PBX1: variants seen among roughly 807,000 people sequenced by gnomAD.
PBX1 encodes the protein PBX homeobox 1, also known as pre-B-cell leukemia transcription factor 1.
Under a neutral mutation model 53.4 loss-of-function variants are expected in PBX1, and 6 were observed. The ratio of observed to expected loss-of-function variants is 0.11; its 90% CI spans 0.06 to 0.22. The LOEUF is 0.22. Among genes scored for constraint, PBX1 ranks in the 10% least tolerant of loss-of-function variants. The pLI is 1.00. For missense variants in PBX1, 251 were observed against 551.4 expected (o/e 0.46, Z 5.46); for synonymous variants, 204 against 212.3 (o/e 0.96, Z 0.34).
intron 8 of PBX1, among the ~76,000 whole-genome samples, chr1:164,837,351 A>G (rs189429076): frequency 8.9e-4 from 136 of 152,058 alleles, no homozygotes; most frequent in African/African-American, 3.2e-3. Context: ...GAAAAAGAAT[A>G]CCCTTACTTG....
At position 164,847,274 on chromosome 1, in the gene PBX1, C is replaced by A; in HGVS notation, c.*598C>A. The A allele has an allele frequency of 9.4e-7, 1 of 1,065,922 alleles. No individual in the cohort carries two copies. The highest frequency in any genetic ancestry group is 1.1e-6 in the Non-Finnish European group (1 of 879,668). 66.0% of individuals were successfully genotyped at this position (1,065,922 alleles called of 1,614,324 possible). ...GTACTGATTGGAACACTTTCCTCCT[C>A]TTCCTTCCTAGCCCCAGCTATTCAC... On this transcript the variant is annotated 3_prime_UTR_variant, in exon 9 of 9. Coordinates refer to ENST00000420696, the MANE Select transcript of PBX1 (RefSeq NM_002585.4).
chr1:164,746,339 T>C (rs990715), intron 2 of PBX1, among the ~76,000 whole-genome samples: 38,942 of 152,102 alleles, frequency 0.26, 5,312 homozygotes, highest in South Asian at 0.45. Context: ...GAGAAAGCTA[T>C]GGTAAATAGT....
rs759500246 is a variant in PBX1, at chr1:164,850,163, G to A, written c.*3487G>A. 17 of 227,292 alleles carry A rather than the reference G, an allele frequency of 7.5e-5. No homozygotes were observed. In the South Asian group the frequency reaches 1.3e-3, roughly 17 times the overall value. The allele number at this position is 227,292 out of a possible 1,614,324, so 14.1% of individuals were successfully genotyped here. On this transcript the variant is annotated 3_prime_UTR_variant, in exon 9 of 9. Coordinates refer to ENST00000420696, the MANE Select transcript of PBX1 (RefSeq NM_002585.4). ...TCCCCTCTTCTTTCTGTGACAATGC[G>A]CATCATTCCTGCATTAGTTTTTAAC...
At chr1:164,877,488 C>T (rs1264131973) in intron 2 of PBX1, among the ~76,000 whole-genome samples, 1 of 151,986 alleles carries the variant, frequency 6.6e-6, no homozygotes, top group Non-Finnish European at 1.5e-5. Context: ...CATGGTGAAA[C>T]CGCCTGTCTC....
intron 8 of PBX1, among the ~76,000 whole-genome samples, chr1:164,823,410 G>A (rs1313752761): frequency 6.6e-6 from 1 of 151,320 alleles, no homozygotes; most frequent in Non-Finnish European, 1.5e-5. Flanking sequence ...TTTTTCCAGA[G>A]AAAGCTTTGC....
At chr1:164,802,110 T>C (rs1209624848) in intron 4 of PBX1, among the ~76,000 whole-genome samples, 6 of 152,240 alleles carry the variant, frequency 3.9e-5, no homozygotes, top group Non-Finnish European at 7.3e-5. Context: ...GTAATAGGAT[T>C]AGTCTTTGTA....
chr1:164,880,673 A>C (rs773469157), intron 2 of PBX1, among the ~76,000 whole-genome samples: 1 of 152,184 alleles, frequency 6.6e-6, no homozygotes, highest in African/African-American at 2.4e-5. Context: ...TCAAGTGCTA[A>C]ATCCCACAGG....
intron 2 of PBX1, among the ~76,000 whole-genome samples, chr1:164,608,709 A>C (rs1032353400): frequency 5.3e-5 from 8 of 152,184 alleles, no homozygotes; most frequent in Non-Finnish European, 8.8e-5. Context: ...AGAAATGGGC[A>C]TCTCTAGTCA....
chr1:164,820,923 A>C lies in PBX1; in HGVS notation c.1111-614A>C, dbSNP rs570239076. Among the ~76,000 whole-genome samples, 40 of 152,312 alleles carry C rather than the reference A, an allele frequency of 2.6e-4. 1 individual carries two copies. The highest frequency in any genetic ancestry group is 2.2e-3 in the Admixed American group (33 of 15,304). ...CCTAGTTTCCCACCCTCCATGTGGAACAAGAAGCATTACAAGCCCGGAACA... is the reference window on the plus strand; with the variant it reads ...CCTAGTTTCCCACCCTCCATGTGGACCAAGAAGCATTACAAGCCCGGAACA... On this transcript the variant is annotated intron_variant, in intron 7 of 8. Coordinates refer to ENST00000420696, the MANE Select transcript of PBX1 (RefSeq NM_002585.4).
intron 2 of PBX1, chr1:164,590,220 A>AAG (rs1218404602): frequency 2.8e-5 from 11 of 387,196 alleles, no homozygotes; most frequent in Admixed American, 1.6e-4. Flanking sequence ...TTGAAAAAAA[A>AAG]AAAAGCTGGG....
At chr1:164,709,215 T>A (rs570364082) in intron 2 of PBX1, among the ~76,000 whole-genome samples, 3 of 152,302 alleles carry the variant, frequency 2.0e-5, no homozygotes, top group Non-Finnish European at 4.4e-5. Context: ...TGTGTAACTC[T>A]GAGCAAGCTA....
chr1:164,592,688 C>T (rs367589025), intron 2 of PBX1, among the ~76,000 whole-genome samples: 8 of 152,268 alleles, frequency 5.3e-5, no homozygotes, highest in African/African-American at 1.7e-4. Context: ...ACAGGATCTA[C>T]GACCACATGT....
At chr1:164,643,602 A>G (rs1659278730) in intron 2 of PBX1, among the ~76,000 whole-genome samples, 1 of 152,218 alleles carries the variant, frequency 6.6e-6, no homozygotes, top group East Asian at 1.9e-4. Flanking sequence ...CCAATGGTAC[A>G]TGAGCTAATA....
At chr1:164,864,556 C>T (rs1228937713) in intron 2 of PBX1, among the ~76,000 whole-genome samples, 1 of 152,278 alleles carries the variant, frequency 6.6e-6, no homozygotes, top group Non-Finnish European at 1.5e-5. Context: ...ACAGATTTTT[C>T]ATAGGTAATG....
At chr1:164,630,899 G>A (rs1300924086) in intron 2 of PBX1, 1 of 152,202 alleles carries the variant, frequency 6.6e-6, no homozygotes, top group East Asian at 1.9e-4. Flanking sequence ...AAGCCTAAGA[G>A]TCAGCAAGAC....
chr1:164,762,260 G>A (rs1019143618), intron 2 of PBX1, among the ~76,000 whole-genome samples: 1 of 152,200 alleles, frequency 6.6e-6, no homozygotes, highest in Non-Finnish European at 1.5e-5. Context: ...CAAAGTGTTG[G>A]AATGTTACAG....
chr1:164,840,088 A>G (rs1466603705), intron 8 of PBX1, among the ~76,000 whole-genome samples: 1 of 152,166 alleles, frequency 6.6e-6, no homozygotes, highest in African/African-American at 2.4e-5. Context: ...TCGGTCTTTA[A>G]GGAACTGTAA....
chr1:164,877,587 C>G (rs1672545894), intron 2 of PBX1, among the ~76,000 whole-genome samples: 1 of 151,962 alleles, frequency 6.6e-6, no homozygotes, highest in Admixed American at 6.5e-5. Context: ...CACTTGAACC[C>G]AGTAGACAGA....
At chr1:164,701,036 T>G (rs1663088735) in intron 2 of PBX1, among the ~76,000 whole-genome samples, 1 of 152,242 alleles carries the variant, frequency 6.6e-6, no homozygotes, top group South Asian at 2.1e-4. Flanking sequence ...AATAGCCAAG[T>G]ATTATCATTA....
Sources: allele counts gnomAD v4.1 joint callset (sites outside exome capture counted in the v4.1 genomes callset), GRCh38; gene constraint gnomAD v4.1.1; transcripts MANE v1.5; gene names NCBI Gene and HGNC (gene_info 2026-07-23, HGNC 2026-07-21).